SYT16: variants seen among roughly 807,000 people sequenced by gnomAD.
SYT16 encodes the protein synaptotagmin-16.
In SYT16, 42 loss-of-function variants were observed where a neutral mutation model predicts 61.4. That is an observed-to-expected ratio of 0.68 (90% confidence interval 0.53 to 0.89). The LOEUF (loss-of-function observed/expected upper bound fraction) is 0.89. SYT16 is among the 40% of genes least tolerant of loss of function. SYT16 has a pLI of 0.00. For synonymous variants in SYT16, 314 were observed against 302.3 expected (o/e 1.04, Z -0.40); for missense variants, 804 against 807.3 (o/e 1.00, Z 0.05).
At chr14:62,053,957 C>T (rs2055425825) in intron 3 of SYT16, among the ~76,000 whole-genome samples, 1 of 152,002 alleles carries the variant, frequency 6.6e-6, no homozygotes, top group African/African-American at 2.4e-5. Context: ...ACCATTTTAC[C>T]AGTGGAAAAT....
intron 1 of SYT16, among the ~76,000 whole-genome samples, chr14:61,851,749 T>A (rs896122065): frequency 1.3e-5 from 2 of 152,210 alleles, no homozygotes; most frequent in African/African-American, 4.8e-5. Flanking sequence ...CACTTTTTAA[T>A]GGGGTTGTTT....
intron 1 of SYT16, among the ~76,000 whole-genome samples, chr14:61,883,184 A>G (rs1051515587): frequency 6.6e-6 from 1 of 152,210 alleles, no homozygotes; most frequent in Admixed American, 6.5e-5. Context: ...CATTTTCTCC[A>G]TTGCCTTGGT....
chr14:61,934,287 C>A (rs2049891996), intron 1 of SYT16, among the ~76,000 whole-genome samples: 1 of 151,720 alleles, frequency 6.6e-6, no homozygotes, highest in Non-Finnish European at 1.5e-5. Flanking sequence ...TTTTTTTGTA[C>A]CTATATGTAA....
At position 61,915,935 on chromosome 14, in the gene SYT16, A is replaced by G. The variant is rs181729099; in HGVS notation, c.-324-54197A>G. ...AGATGATCTCACGGGTTTGAGGACA[A>G]AAGAAATAGTACAACGTGAATTCAA... On this transcript the variant is annotated intron_variant, in intron 1 of 7. Transcript: ENST00000683842. 3.2e-3 allele frequency among the ~76,000 whole-genome samples: 486 copies of G among 152,330 alleles called. 10 individuals carry two copies. The highest frequency in any genetic ancestry group is 6.6e-4 in the Non-Finnish European group (45 of 68,020).
At chr14:61,985,147 G>T (rs2052249111) in intron 2 of SYT16, among the ~76,000 whole-genome samples, 1 of 152,136 alleles carries the variant, frequency 6.6e-6, no homozygotes, top group Non-Finnish European at 1.5e-5. Context: ...AAGGACCCTA[G>T]GAGACCTCAT....
intron 1 of SYT16, among the ~76,000 whole-genome samples, chr14:61,935,212 T>C (rs2049930818): frequency 6.6e-6 from 1 of 152,096 alleles, no homozygotes; most frequent in Non-Finnish European, 1.5e-5. Flanking sequence ...AGCCAAGAGG[T>C]CAGCATGACC....
chr14:62,075,263 G>C lies in SYT16; in HGVS notation c.865G>C (p.Glu289Gln). The C allele has an allele frequency of 6.2e-7, 1 of 1,613,888 alleles. No individual in the cohort carries two copies. The highest frequency in any genetic ancestry group is 1.1e-5 in the South Asian group (1 of 91,080). The change falls in exon 5 of 8, where the codon GAG becomes CAG. Residue 289 changes from glutamate (E) to glutamine (Q), a missense_variant. Transcript: ENST00000683842. ...DAKHHGTSHQ[E>Q]SSVVQSLRRQ... ...CAAACACCACGGCACATCTCACCAAGAGTCCAGTGTGGTCCAAAGCCTCAG... is the reference window on the plus strand; with the variant it reads ...CAAACACCACGGCACATCTCACCAACAGTCCAGTGTGGTCCAAAGCCTCAG...
At chr14:62,047,686 G>C (rs190865974) in intron 3 of SYT16, among the ~76,000 whole-genome samples, 14 of 152,044 alleles carry the variant, frequency 9.2e-5, no homozygotes, top group South Asian at 2.1e-4. Context: ...TACCATGAAG[G>C]GTTGTTAAAT....
intron 1 of SYT16, among the ~76,000 whole-genome samples, chr14:61,938,906 G>A (rs1329447368): frequency 2.6e-5 from 4 of 152,172 alleles, no homozygotes; most frequent in Non-Finnish European, 5.9e-5. Context: ...AGGCCAAGGC[G>A]GGCGGATCAC....
At chr14:61,974,625 C>T (rs1156957465) in intron 2 of SYT16, among the ~76,000 whole-genome samples, 1 of 152,140 alleles carries the variant, frequency 6.6e-6, no homozygotes, top group Non-Finnish European at 1.5e-5. Context: ...ATGCTCCCTG[C>T]TGTAAGGGAA....
chr14:62,084,394 G>A lies in SYT16; in HGVS notation c.1624+9G>A, dbSNP rs137950744. 1.6e-5 allele frequency: 26 copies of A among 1,608,354 alleles called. No homozygotes were observed. The Middle Eastern group carries it at 6.6e-4, about 41-fold the overall frequency. On this transcript the variant is annotated intron_variant, in intron 7 of 7. Transcript: ENST00000683842. Reference sequence around the variant, plus strand: ...TGTTAACCGAGCACCTGGTAAGTGTGAGTCTGTTCTCCCAGCTCTGGTTCT... The same window carrying A: ...TGTTAACCGAGCACCTGGTAAGTGTAAGTCTGTTCTCCCAGCTCTGGTTCT...
intron 3 of SYT16, among the ~76,000 whole-genome samples, chr14:62,003,499 G>C (rs1379975275): frequency 6.6e-6 from 1 of 151,910 alleles, no homozygotes; most frequent in Non-Finnish European, 1.5e-5. Context: ...CTCTCCTTGA[G>C]ATAAGTTGCC....
At chr14:62,012,357 T>G (rs6573409) in intron 3 of SYT16, among the ~76,000 whole-genome samples, 79,434 of 151,964 alleles carry the variant, frequency 0.52, 21,700 homozygotes, top group East Asian at 0.7. Context: ...GAGGCCACCC[T>G]CAACTGCTGG....
chr14:62,070,794 T>C (rs996300621), intron 4 of SYT16, among the ~76,000 whole-genome samples: 1 of 152,168 alleles, frequency 6.6e-6, no homozygotes, highest in Non-Finnish European at 1.5e-5. Flanking sequence ...ACCTGAGCTC[T>C]CTAACCTTTC....
At chr14:62,078,140 T>A (rs2056567726) in intron 5 of SYT16, among the ~76,000 whole-genome samples, 2 of 127,024 alleles carry the variant, frequency 1.6e-5, no homozygotes, top group African/African-American at 6.7e-5. Context: ...GCTCTCTCGC[T>A]CTCTCTCTCT....
intron 2 of SYT16, among the ~76,000 whole-genome samples, chr14:61,977,550 A>G (rs575922993): frequency 6.6e-6 from 1 of 152,110 alleles, no homozygotes; most frequent in African/African-American, 2.4e-5. Context: ...CTCACTCACT[A>G]TCATGAGAAC....
intron 1 of SYT16, among the ~76,000 whole-genome samples, chr14:61,918,447 G>A (rs953140740): frequency 6.6e-6 from 1 of 152,026 alleles, no homozygotes; most frequent in Non-Finnish European, 1.5e-5. Context: ...CAGAAGATGG[G>A]GGATAAAGGA....
At chr14:61,975,878 GT>G (rs1278892147) in intron 2 of SYT16, among the ~76,000 whole-genome samples, 4 of 152,110 alleles carry the variant, frequency 2.6e-5, no homozygotes. Context: ...GTCCCCCAAA[GT>G]CTTAATTCAT....
intron 3 of SYT16, among the ~76,000 whole-genome samples, chr14:62,016,582 G>A (rs1237336835): frequency 2.0e-5 from 3 of 151,234 alleles, no homozygotes; most frequent in Middle Eastern, 3.2e-3. Context: ...GCGTGGTGGC[G>A]GGTGCCTGTA....
Sources: gnomAD v4.1 joint callset for allele counts (sites outside exome capture counted in the v4.1 genomes callset) on GRCh38, gnomAD v4.1.1 for gene constraint, MANE v1.5 for transcripts, NCBI Gene and HGNC (gene_info 2026-07-23, HGNC 2026-07-21) for gene names.